The following QSOX1 variants were observed in gnomAD, a reference collection of about 807,000 sequenced individuals.
QSOX1 encodes the protein quiescin sulfhydryl oxidase 1.
In QSOX1, 40 loss-of-function variants were observed where a neutral mutation model predicts 76.1. The observed-to-expected ratio is 0.53, with a 90% confidence interval of 0.41 to 0.68. QSOX1 has a LOEUF of 0.68. Ranked by LOEUF, QSOX1 falls within the 30% of genes least tolerant of loss-of-function variation. The probability of loss-of-function intolerance (pLI) is 0.00; values close to 1 mark genes in which losing one functional copy is unlikely to be tolerated. For missense variants in QSOX1, 931 were observed against 974.3 expected, an observed-to-expected ratio of 0.96 and a Z score of 0.59; for synonymous variants, 392 against 413.1, an observed-to-expected ratio of 0.95 and a Z score of 0.62.
At chr1:180,155,634 G>A (rs1455978720) in intron 1 of QSOX1, among the ~76,000 whole-genome samples, 1 of 152,188 alleles carries the variant, frequency 6.6e-6, no homozygotes, top group East Asian at 1.9e-4. Context: ...AAAAGGGAAC[G>A]GACATCCATT....
At chr1:180,186,224 G>C (rs766765436) in intron 8 of QSOX1, 42 bp downstream of exon 8, 2 of 1,576,412 alleles carry the variant, frequency 1.3e-6, no homozygotes, top group South Asian at 2.3e-5. Context: ...CAATTCTACG[G>C]ATGGTCAGTG....
chr1:180,178,982 C>A, intron 5 of QSOX1, 98 bp downstream of exon 5: 1 of 1,089,356 alleles, frequency 9.2e-7, no homozygotes, highest in Non-Finnish European at 1.4e-6. Flanking sequence ...AGGGTCTTGG[C>A]TGCCTGGGTC....
intron 7 of QSOX1, 58 bp downstream of exon 7, chr1:180,184,108 C>T: frequency 6.4e-7 from 1 of 1,570,726 alleles, no homozygotes; most frequent in African/African-American, 1.3e-5. Context: ...CAGACCACCA[C>T]ACCTTCACAC....
intron 8 of QSOX1, among the ~76,000 whole-genome samples, chr1:180,187,222 G>C (rs1663196882): frequency 6.6e-6 from 1 of 152,218 alleles, no homozygotes. Context: ...GGGCCTGACA[G>C]GGACATTTCA....
chr1:180,180,361 C>T (rs986611861), intron 5 of QSOX1, among the ~76,000 whole-genome samples: 31 of 152,140 alleles, frequency 2.0e-4, no homozygotes, highest in African/African-American at 7.5e-4. Flanking sequence ...CAGGCATGCA[C>T]CACCATGCCT....
At chr1:180,188,835 C>T (rs1013226213) in intron 8 of QSOX1, among the ~76,000 whole-genome samples, 1 of 152,248 alleles carries the variant, frequency 6.6e-6, no homozygotes, top group Non-Finnish European at 1.5e-5. Context: ...CCTCTTTCTC[C>T]TGCCCTCCGC....
At chr1:180,186,214 C>T (rs764043494) in intron 8 of QSOX1, 32 bp downstream of exon 8, 2 of 1,593,296 alleles carry the variant, frequency 1.3e-6, no homozygotes, top group African/African-American at 2.7e-5. Flanking sequence ...CTTGTCTGTG[C>T]AATTCTACGG....
rs576419359 is a variant in QSOX1, at chr1:180,158,799, C to G, written c.265+3627C>G. ...CTGTCTTCATGGAAGTCCAGACCCA[C>G]TTAACACTCGGAGGCTGCATGTTTC... On this transcript the variant is annotated intron_variant, in intron 1 of 11. Transcript: ENST00000367602. 3.9e-5 allele frequency among the ~76,000 whole-genome samples: 6 copies of G among 152,310 alleles called. No individual in the cohort carries two copies. In the South Asian group the frequency reaches 1.2e-3, roughly 32 times the overall value.
chr1:180,156,702 T>A (rs1489357780), intron 1 of QSOX1, among the ~76,000 whole-genome samples: 1 of 152,234 alleles, frequency 6.6e-6, no homozygotes, highest in Non-Finnish European at 1.5e-5. Context: ...CGTGCCTTTC[T>A]GAGCAGTGCT....
chr1:180,187,215 C>G (rs1445740025), intron 8 of QSOX1, among the ~76,000 whole-genome samples: 1 of 152,204 alleles, frequency 6.6e-6, no homozygotes, highest in Non-Finnish European at 1.5e-5. Flanking sequence ...ACTGAGAGGG[C>G]CTGACAGGGA....
chr1:180,201,737 C>G lies in QSOX1; in HGVS notation c.*4700C>G, dbSNP rs576390566. On this transcript the variant is annotated 3_prime_UTR_variant, in exon 12 of 12. Coordinates refer to ENST00000367602, the MANE Select transcript of QSOX1 (RefSeq NM_002826.5). The stretch of plus-strand genomic sequence containing the variant: ...ACCCAAGAGGGTAAGAAGCTGCCCT[C>G]TCATCCCTTCCTCTCCCACCCTGGG... The G allele has an allele frequency of 2.0e-5, 3 of 152,716 alleles. No homozygotes were observed. Among genetic ancestry groups the G allele is most frequent in the African/African-American group, 7.2e-5 (3 of 41,596 alleles). 9.5% of individuals were successfully genotyped at this position (152,716 alleles called of 1,614,324 possible). A position where few individuals can be genotyped will look rare whatever the true frequency, so the allele number is the denominator to read the frequency against.
chr1:180,194,869 G>A (rs982220081), intron 11 of QSOX1, among the ~76,000 whole-genome samples: 1 of 152,164 alleles, frequency 6.6e-6, no homozygotes, highest in Non-Finnish European at 1.5e-5. Flanking sequence ...TTCCTCATCA[G>A]GAGTCTGATG....
intron 4 of QSOX1, among the ~76,000 whole-genome samples, chr1:180,176,538 A>G (rs1426326370): frequency 1.3e-5 from 2 of 152,166 alleles, no homozygotes; most frequent in South Asian, 2.1e-4. Context: ...GGCTCTCTGT[A>G]TGGCAGAGCA....
chr1:180,160,270 A>T (rs763026858), intron 1 of QSOX1, among the ~76,000 whole-genome samples: 5 of 151,956 alleles, frequency 3.3e-5, no homozygotes, highest in Non-Finnish European at 7.4e-5. Context: ...TTTTTTTGCA[A>T]CTGAGTCTCA....
chr1:180,160,792 C>T (rs1330633579), intron 1 of QSOX1, among the ~76,000 whole-genome samples: 3 of 152,150 alleles, frequency 2.0e-5, no homozygotes, highest in African/African-American at 4.8e-5. Context: ...CTTTGTGTAG[C>T]GTACACGTCA....
chr1:180,190,194 C>T (rs1288485776), intron 9 of QSOX1, among the ~76,000 whole-genome samples: 1 of 152,286 alleles, frequency 6.6e-6, no homozygotes, highest in African/African-American at 2.4e-5. Context: ...CAGAGATAAC[C>T]CCCTTGTGTT....
chr1:180,155,225 A>G (rs1158317841), intron 1 of QSOX1, 53 bp downstream of exon 1: 4 of 1,396,232 alleles, frequency 2.9e-6, no homozygotes, highest in Non-Finnish European at 2.8e-6. Context: ...GGACCCCTCC[A>G]CCTGCCCGGT....
chr1:180,169,352 A>G (rs1343668087), intron 2 of QSOX1, among the ~76,000 whole-genome samples: 1 of 152,202 alleles, frequency 6.6e-6, no homozygotes, highest in African/African-American at 2.4e-5. Flanking sequence ...AGGGGTACAC[A>G]GCACAGCAGC....
intron 5 of QSOX1, 86 bp downstream of exon 5, chr1:180,178,970 C>T: frequency 7.9e-7 from 1 of 1,261,310 alleles, no homozygotes; most frequent in South Asian, 1.2e-5. Flanking sequence ...CCTGCCAATT[C>T]TAGGGTCTTG....
Sources: allele counts gnomAD v4.1 joint callset (sites outside exome capture counted in the v4.1 genomes callset), GRCh38; gene constraint gnomAD v4.1.1; transcripts MANE v1.5; gene names NCBI Gene and HGNC (gene_info 2026-07-23, HGNC 2026-07-21).